TJAP1: variants seen among roughly 807,000 people sequenced by gnomAD.
TJAP1 encodes the protein tight junction-associated protein 1.
TJAP1 carries 27 observed loss-of-function variants against 42.0 expected under a neutral mutation model. The ratio of observed to expected loss-of-function variants is 0.64; its 90% CI spans 0.47 to 0.89. The LOEUF (loss-of-function observed/expected upper bound fraction) is 0.89. Ranked by LOEUF, TJAP1 falls within the 40% of genes least tolerant of loss-of-function variation. The pLI, the probability that TJAP1 is intolerant of heterozygous loss-of-function variation, is 0.00. For missense variants in TJAP1, 712 were observed against 726.9 expected (o/e 0.98, Z 0.24); for synonymous variants, 257 against 288.4 (o/e 0.89, Z 1.10).
intron 2 of TJAP1, among the ~76,000 whole-genome samples, chr6:43,484,322 G>C (rs1039653516): frequency 6.6e-6 from 1 of 151,950 alleles, no homozygotes; most frequent in Non-Finnish European, 1.5e-5. Flanking sequence ...AGCCGGGCAT[G>C]GTGGCAGGCA....
Position 43,489,648 on chromosome 6 carries a change from A to C in TJAP1, c.-121-8233A>C, listed in dbSNP as rs879469143. On this transcript the variant is annotated intron_variant, in intron 2 of 10. Coordinates refer to ENST00000372449, the Ensembl canonical transcript of TJAP1. ...GGGAACAGGCGAGATAGAGGAGCTGAGCCCCTTCTCCAACAGCCGTCCTCT... is the reference window on the plus strand; with the variant it reads ...GGGAACAGGCGAGATAGAGGAGCTGCGCCCCTTCTCCAACAGCCGTCCTCT... 44 of 152,144 alleles carry C rather than the reference A, an allele frequency of 2.9e-4. 1 individual carries two copies. The highest frequency in any genetic ancestry group is 7.3e-5 in the Non-Finnish European group (5 of 68,036). 9.4% of individuals were successfully genotyped at this position (152,144 alleles called of 1,614,324 possible). A position where few individuals can be genotyped will look rare whatever the true frequency, so the allele number is the denominator to read the frequency against.
At chr6:43,478,353 C>T (rs1441837895) in intron 2 of TJAP1, 121 bp downstream of exon 2, 2 of 152,200 alleles carry the variant, frequency 1.3e-5, no homozygotes, top group Non-Finnish European at 2.9e-5. Flanking sequence ...TAGAGTTTGT[C>T]CTTTGTCTGA....
intron 2 of TJAP1, among the ~76,000 whole-genome samples, chr6:43,483,595 T>C (rs1043598809): frequency 6.6e-6 from 1 of 152,214 alleles, no homozygotes; most frequent in Non-Finnish European, 1.5e-5. Context: ...CAGGGGACTT[T>C]GCAGAACATG....
Position 43,491,242 on chromosome 6 carries a change from G to C in TJAP1, c.-121-6639G>C, listed in dbSNP as rs1216054495. 1.3e-5 allele frequency among the ~76,000 whole-genome samples: 2 copies of C among 152,150 alleles called. No individual in the cohort carries two copies. The highest frequency in any genetic ancestry group is 4.8e-5 in the African/African-American group (2 of 41,428). On this transcript the variant is annotated intron_variant, in intron 2 of 10. Transcript: ENST00000372449. This position sits in a 1 kb window ranked among gnomAD's most constrained non-coding sequence, Gnocchi z 4.6. ...TTTCTCGGAGGTTGATAGATTAAGA[G>C]ACCAAAGTTGGTGGGGGATATCCAT...
chr6:43,494,469 G>A (rs1299915807), intron 2 of TJAP1, among the ~76,000 whole-genome samples: 1 of 152,068 alleles, frequency 6.6e-6, no homozygotes, highest in East Asian at 1.9e-4. Flanking sequence ...GGCCACGCTA[G>A]GTCAGCGAGA....
chr6:43,496,116 C>T (rs1318279096), intron 2 of TJAP1, among the ~76,000 whole-genome samples: 1 of 152,096 alleles, frequency 6.6e-6, no homozygotes, highest in Non-Finnish European at 1.5e-5. Flanking sequence ...GACCTGGACC[C>T]TCTGTAGAGA....
exon 10 of TJAP1, chr6:43,503,633 G>A (rs987350973): frequency 2.4e-5 from 38 of 1,613,968 alleles, no homozygotes; most frequent in Non-Finnish European, 2.9e-5. Context: ...GAGCGGTACC[G>A]GCTGGACTGC....
At chr6:43,484,944 T>C (rs1324866526) in intron 2 of TJAP1, among the ~76,000 whole-genome samples, 1 of 152,198 alleles carries the variant, frequency 6.6e-6, no homozygotes, top group Non-Finnish European at 1.5e-5. Flanking sequence ...GCCAGGCTGG[T>C]CTTGAACTCC....
intron 5 of TJAP1, chr6:43,500,996 C>T: frequency 3.5e-6 from 2 of 575,518 alleles, no homozygotes; most frequent in Middle Eastern, 4.4e-4. Context: ...AATCAGGAGG[C>T]GAATGGCTCT....
chr6:43,488,864 GC>G (rs1452509065), intron 2 of TJAP1, among the ~76,000 whole-genome samples: 1 of 152,180 alleles, frequency 6.6e-6, no homozygotes, highest in Non-Finnish European at 1.5e-5. Context: ...AACATGGGGA[GC>G]CCAGTGTGTA....
In TJAP1 at chr6:43,481,733, C is replaced by T. The variant is rs1272280226; in HGVS notation, c.-122+3501C>T. 2.0e-5 allele frequency among the ~76,000 whole-genome samples: 3 copies of T among 152,290 alleles called. No homozygotes were observed. In the East Asian group the frequency reaches 5.8e-4, roughly 29 times the overall value. On this transcript the variant is annotated intron_variant, in intron 2 of 10. Coordinates refer to ENST00000372449, the Ensembl canonical transcript of TJAP1. Reference sequence around the variant, plus strand: ...TCTCTCCCTTTAGCCAGGCAGGAGGCCCAGTGTAGCCTTGAGGTAGAGGTG... The same window carrying T: ...TCTCTCCCTTTAGCCAGGCAGGAGGTCCAGTGTAGCCTTGAGGTAGAGGTG...
At chr6:43,496,899 T>G (rs1789301042) in intron 2 of TJAP1, 1 of 152,330 alleles carries the variant, frequency 6.6e-6, no homozygotes, top group South Asian at 2.1e-4. Flanking sequence ...CACCCATCTC[T>G]GAACCTCAGG....
In TJAP1 at chr6:43,503,725, C is replaced by A; in HGVS notation, c.579+19C>A. The A allele has an allele frequency of 6.2e-7, 1 of 1,608,262 alleles. No homozygotes were observed. Among genetic ancestry groups the A allele is most frequent in the Non-Finnish European group, 8.5e-7 (1 of 1,174,656 alleles). ...TGCCGATGTGAGTAGAACTCACCCC[C>A]TCCCTGCCCACATAGACCATTCCGG... On this transcript the variant is annotated intron_variant, in intron 10 of 10. Coordinates refer to ENST00000372449, the Ensembl canonical transcript of TJAP1.
At position 43,492,623 on chromosome 6, in the gene TJAP1, A is replaced by T. The variant is rs957352427; in HGVS notation, c.-121-5258A>T. ...CGAGGCCGAACCCAGTTTTGGTGGG[A>T]TCAGCCCACTGCTCTGGGGGACTGC... is the stretch of plus-strand genomic sequence containing the variant. On this transcript the variant is annotated intron_variant, in intron 2 of 10. Transcript: ENST00000372449. The surrounding 1 kb of genome is among the most constrained non-coding windows in gnomAD (Gnocchi z 4.2). Among the ~76,000 whole-genome samples, 1 of 152,192 alleles carries T rather than the reference A, an allele frequency of 6.6e-6. No homozygotes were observed. Among genetic ancestry groups the T allele is most frequent in the Non-Finnish European group, 1.5e-5 (1 of 68,038 alleles).
At chr6:43,494,648 CTTTTTTTTTT>C (rs775378416) in intron 2 of TJAP1, among the ~76,000 whole-genome samples, 8 of 114,400 alleles carry the variant, frequency 7.0e-5, no homozygotes, top group African/African-American at 2.6e-4. Flanking sequence ...TGTTGATTTC[CTTTTTTTTTT>C]TTTTTTTTTT....
chr6:43,503,458 A>C (rs771666097), exon 9 of TJAP1: 1 of 1,614,196 alleles, frequency 6.2e-7, no homozygotes, highest in Admixed American at 1.7e-5. Flanking sequence ...GGAGCTGACC[A>C]ACAAGCTGCT....
chr6:43,486,873 A>G (rs747748328), intron 2 of TJAP1, among the ~76,000 whole-genome samples: 2 of 152,222 alleles, frequency 1.3e-5, no homozygotes, highest in Non-Finnish European at 2.9e-5. Context: ...GATGAAACCA[A>G]TAGCTAAAAA....
Position 43,505,808 on chromosome 6 carries a change from A to G in TJAP1, c.1627A>G (p.Lys543Glu), listed in dbSNP as rs1442108091. ...GATGGGGGTTCACCACCTGCACCGC[A>G]AGGACAGCCTGACCCAGGCCCAGGA... The change falls in exon 11 of 11, where the codon AAG becomes GAG. Residue 543 changes from lysine (K) to glutamate (E), a missense_variant. Physicochemically the swap from Lys to Glu is moderately conservative, Grantham distance 56. Coordinates refer to ENST00000372449, the Ensembl canonical transcript of TJAP1. The surrounding 1 kb of genome is among the most constrained non-coding windows in gnomAD (Gnocchi z 5.5). 1.3e-6 allele frequency: 2 copies of G among 1,499,326 alleles called. No homozygotes were observed. The highest frequency in any genetic ancestry group is 1.4e-5 in the African/African-American group (1 of 71,416). 92.9% of individuals were successfully genotyped at this position (1,499,326 alleles called of 1,614,324 possible).
chr6:43,504,690 A>G, intron 10 of TJAP1, 71 bp from the exon 11 acceptor site: 1 of 1,555,376 alleles, frequency 6.4e-7, no homozygotes, highest in South Asian at 1.2e-5. Context: ...GGGAGCCATT[A>G]CTTTCGCCAT....
Sources: gnomAD v4.1 joint callset for allele counts (sites outside exome capture counted in the v4.1 genomes callset) on GRCh38, gnomAD v4.1.1 for gene constraint, Gnocchi (gnomAD v3.1) non-coding constraint, MANE v1.5 for transcripts, NCBI Gene and HGNC (gene_info 2026-07-23, HGNC 2026-07-21) for gene names.